NRP2: variants seen among roughly 807,000 people sequenced by gnomAD.
NRP2 encodes the protein neuropilin-2.
NRP2 carries 52 observed loss-of-function variants against 110.4 expected under a neutral mutation model. That is an observed-to-expected ratio of 0.47 (90% CI 0.38 to 0.59). The LOEUF (loss-of-function observed/expected upper bound fraction) is 0.59, where lower values mean the gene tolerates loss of function less well. NRP2 is among the 20% of genes least tolerant of loss of function. The probability of loss-of-function intolerance (pLI) is 0.00; values close to 1 mark genes in which losing one functional copy is unlikely to be tolerated. For synonymous variants in NRP2, 508 were observed against 468.9 expected, an observed-to-expected ratio of 1.08 and a Z score of -1.08; for missense variants, 1,049 against 1,203.0, an observed-to-expected ratio of 0.87 and a Z score of 1.89.
intron 3 of NRP2, 84 bp from the exon 4 acceptor site, chr2:205,722,394 G>A: frequency 8.7e-7 from 1 of 1,151,398 alleles, no homozygotes; most frequent in South Asian, 1.3e-5. Context: ...GGGATTTGGG[G>A]CCAAACATTT....
Position 205,763,745 on chromosome 2 carries a change from C to A in NRP2, c.2116C>A (p.Pro706Thr). 2 of 1,614,240 alleles carry A rather than the reference C, an allele frequency of 1.2e-6. No homozygotes were observed. Among genetic ancestry groups the A allele is most frequent in the Non-Finnish European group, 1.7e-6 (2 of 1,180,042 alleles). The change falls in exon 13 of 17, where the codon CCT (proline) becomes ACT (threonine). Residue 706 changes from proline to threonine, a missense_variant. Physicochemically the swap from Pro to Thr is conservative, Grantham distance 38. Coordinates refer to ENST00000357785, the MANE Select transcript of NRP2 (RefSeq NM_003872.3). The surrounding 1 kb of genome is among the most constrained non-coding windows in gnomAD (Gnocchi z 4.0). ...EGQYARLISP[P>T]VHLPRSPVCM... ...CCAGTATGCCCGGCTCATCAGCCCC[C>A]CTGTCCACCTGCCCCGAAGCCCGGT...
intron 12 of NRP2, among the ~76,000 whole-genome samples, chr2:205,754,412 G>A (rs1041984971): frequency 8.5e-5 from 13 of 152,132 alleles, no homozygotes; most frequent in East Asian, 1.9e-4. Flanking sequence ...TGCCTGATCC[G>A]GAGAAAAACA....
intron 15 of NRP2, among the ~76,000 whole-genome samples, chr2:205,768,828 T>G (rs1376683196): frequency 5.3e-5 from 8 of 152,124 alleles, no homozygotes; most frequent in Admixed American, 5.2e-4. Context: ...AAACCAAGGC[T>G]TGGGGAGCAG....
chr2:205,767,287 C>T (rs565714365), intron 15 of NRP2: 30 of 400,912 alleles, frequency 7.5e-5, no homozygotes, highest in South Asian at 5.5e-4. Flanking sequence ...CTTCTGTGTA[C>T]AGCCTGCAGT....
At chr2:205,731,608 T>C (rs941815447) in intron 7 of NRP2, among the ~76,000 whole-genome samples, 1 of 152,228 alleles carries the variant, frequency 6.6e-6, no homozygotes, top group African/African-American at 2.4e-5. Context: ...TTCCCTCTCA[T>C]TCGGTAAACG....
At chr2:205,699,708 G>A (rs1300460375) in intron 2 of NRP2, among the ~76,000 whole-genome samples, 4 of 152,190 alleles carry the variant, frequency 2.6e-5, no homozygotes, top group Non-Finnish European at 5.9e-5. Flanking sequence ...CCTTGCTGGA[G>A]GTGGAGTAGG....
chr2:205,683,465 C>A, intron 1 of NRP2, 102 bp downstream of exon 1: 1 of 802,860 alleles, frequency 1.2e-6, no homozygotes, highest in South Asian at 1.4e-5. Flanking sequence ...AAGAAGGCTC[C>A]CTCAGTACTC....
intron 5 of NRP2, among the ~76,000 whole-genome samples, chr2:205,724,840 T>C (rs993707657): frequency 6.6e-6 from 1 of 152,012 alleles, no homozygotes; most frequent in African/African-American, 2.4e-5. Context: ...CTAATTTTTG[T>C]ATTTTTAGCA....
intron 3 of NRP2, among the ~76,000 whole-genome samples, chr2:205,718,335 G>A (rs966635227): frequency 2.0e-5 from 3 of 152,168 alleles, no homozygotes; most frequent in Non-Finnish European, 4.4e-5. Flanking sequence ...ATGTAAGAGG[G>A]TATCATAATT....
At chr2:205,766,124 T>C (rs2057913533) in intron 14 of NRP2, among the ~76,000 whole-genome samples, 1 of 152,240 alleles carries the variant, frequency 6.6e-6, no homozygotes, top group Non-Finnish European at 1.5e-5. Flanking sequence ...GGATTAAACA[T>C]TGCAGGCCAG....
At chr2:205,704,700 T>C (rs961986074) in intron 2 of NRP2, among the ~76,000 whole-genome samples, 3 of 152,216 alleles carry the variant, frequency 2.0e-5, no homozygotes, top group African/African-American at 7.2e-5. Flanking sequence ...TAAAAATGAG[T>C]GTTGCAATTG....
chr2:205,779,488 A>C (rs182589706), intron 15 of NRP2: 1 of 152,360 alleles, frequency 6.6e-6, no homozygotes, highest in Admixed American at 6.5e-5. Flanking sequence ...CCTGTCTTTA[A>C]AATGAAACTA....
At chr2:205,759,256 A>T (rs1489236558) in intron 12 of NRP2, among the ~76,000 whole-genome samples, 1 of 152,206 alleles carries the variant, frequency 6.6e-6, no homozygotes. Flanking sequence ...CACAAGTGAA[A>T]ATGTCTCTAA....
intron 2 of NRP2, among the ~76,000 whole-genome samples, chr2:205,698,133 G>T (rs1395234752): frequency 1.3e-5 from 2 of 151,334 alleles, no homozygotes; most frequent in African/African-American, 2.4e-5. Context: ...GTATCCCCAA[G>T]TGGAGACTTC....
chr2:205,738,258 G>A (rs2057379536), intron 7 of NRP2, among the ~76,000 whole-genome samples: 1 of 152,126 alleles, frequency 6.6e-6, no homozygotes, highest in African/African-American at 2.4e-5. Flanking sequence ...AGCGTCTCCT[G>A]ATGGCGACCA....
intron 12 of NRP2, among the ~76,000 whole-genome samples, chr2:205,754,104 A>G (rs1323783016): frequency 6.6e-6 from 1 of 152,232 alleles, no homozygotes; most frequent in African/African-American, 2.4e-5. Flanking sequence ...CACAGCACTG[A>G]GTGACTTTGA....
At chr2:205,756,691 C>T (rs1041048698) in intron 12 of NRP2, 2 of 152,118 alleles carry the variant, frequency 1.3e-5, no homozygotes, top group African/African-American at 4.8e-5. Context: ...AGAGCAACCA[C>T]CAGGGGCCCT....
intron 12 of NRP2, among the ~76,000 whole-genome samples, chr2:205,753,379 A>G (rs2057683749): frequency 6.6e-6 from 1 of 152,170 alleles, no homozygotes; most frequent in African/African-American, 2.4e-5. Flanking sequence ...GCTCATTGGG[A>G]GATGACTGGC....
chr2:205,733,985 C>A (rs947656299), intron 7 of NRP2, among the ~76,000 whole-genome samples: 1 of 152,148 alleles, frequency 6.6e-6, no homozygotes, highest in Non-Finnish European at 1.5e-5. Context: ...CCCCGCCCCC[C>A]AGAACGCAGC....
Sources: gnomAD v4.1 joint callset for allele counts (sites outside exome capture counted in the v4.1 genomes callset) on GRCh38, gnomAD v4.1.1 for gene constraint, Gnocchi (gnomAD v3.1) non-coding constraint, MANE v1.5 for transcripts, NCBI Gene and HGNC (gene_info 2026-07-23, HGNC 2026-07-21) for gene names.